The following ENPP6 variants were observed in gnomAD, a reference collection of about 807,000 sequenced individuals.
ENPP6 encodes the protein glycerophosphocholine cholinephosphodiesterase ENPP6.
Under a neutral mutation model 42.0 loss-of-function variants are expected in ENPP6, and 32 were observed. The observed-to-expected ratio is 0.76, with a 90% CI of 0.58 to 1.02. The LOEUF is 1.02. Among genes scored for constraint, ENPP6 ranks in the 50% least tolerant of loss-of-function variants. ENPP6 has a pLI of 0.00. For missense variants in ENPP6, 552 were observed against 566.8 expected, an observed-to-expected ratio of 0.97 and a Z score of 0.27; for synonymous variants, 213 against 216.0, an observed-to-expected ratio of 0.99 and a Z score of 0.12.
At chr4:184,117,723 G>A in intron 4 of ENPP6, 36 bp downstream of exon 4, 1 of 1,607,880 alleles carries the variant, frequency 6.2e-7, no homozygotes, top group East Asian at 2.2e-5. Context: ...GGGTGACAGA[G>A]AGAAGGCCAG....
At chr4:184,215,330 A>G (rs1042187629) in intron 1 of ENPP6, among the ~76,000 whole-genome samples, 4 of 152,272 alleles carry the variant, frequency 2.6e-5, no homozygotes, top group Non-Finnish European at 4.4e-5. Flanking sequence ...TTGTTGGTTC[A>G]TAAAATGCTC....
Position 184,117,119 on chromosome 4 carries a change from G to C in ENPP6, c.676-84C>G, listed in dbSNP as rs570091981. ...AAACCTTGTCAACTACAAATGATAG[G>C]AGAAAGGCTATCTCCTCAGTTCTGT... On this transcript the variant is annotated intron_variant, in intron 4 of 7. Transcript: ENST00000296741. 3.3e-6 allele frequency: 5 copies of C among 1,506,870 alleles called. No homozygotes were observed. In the South Asian group the frequency reaches 6.0e-5, roughly 18 times the overall value. The allele number at this position is 1,506,870 out of a possible 1,614,324, so 93.3% of individuals were successfully genotyped here.
At chr4:184,116,054 A>AG (rs1015629927) in intron 5 of ENPP6, among the ~76,000 whole-genome samples, 31 of 151,738 alleles carry the variant, frequency 2.0e-4, no homozygotes, top group African/African-American at 7.5e-4. Context: ...TCTCTACTAA[A>AG]AAAAAAAAAT....
At chr4:184,157,418 T>TC (rs1482826397) in intron 1 of ENPP6, among the ~76,000 whole-genome samples, 20 of 129,680 alleles carry the variant, frequency 1.5e-4, no homozygotes, top group East Asian at 2.9e-4. Context: ...TCTTTCTTTC[T>TC]TTCTTTCTTT....
chr4:184,096,811 TG>T (rs1282164447), intron 7 of ENPP6, among the ~76,000 whole-genome samples: 2 of 152,064 alleles, frequency 1.3e-5, no homozygotes, highest in Non-Finnish European at 2.9e-5. Flanking sequence ...TGAGCCTCTC[TG>T]AGGTGGGTGC....
At position 184,176,617 on chromosome 4, in the gene ENPP6, C is replaced by T. The variant is rs140669156; in HGVS notation, c.242-22884G>A. ...GATCGAGTCCTAAACACCAACTGAA[C>T]GGGGCCACCGAGCTACGTTGGCTCC... On this transcript the variant is annotated intron_variant, in intron 1 of 7. Transcript: ENST00000296741. Among the ~76,000 whole-genome samples the T allele has an allele frequency of 5.7e-3, 868 of 152,182 alleles. 11 individuals are homozygous for T. The highest frequency in any genetic ancestry group is 0.02 in the African/African-American group (828 of 41,516).
Position 184,122,275 on chromosome 4 carries a change from G to A in ENPP6, c.533+1886C>T, listed in dbSNP as rs554240613. Among the ~76,000 whole-genome samples, 123 of 152,288 alleles carry A rather than the reference G, an allele frequency of 8.1e-4. 2 individuals are homozygous for A. The highest frequency in any genetic ancestry group is 1.3e-3 in the Admixed American group (20 of 15,298). Reference sequence around the variant, plus strand: ...ATAGACCACAATTTAAATACGTGGAGCTGGGCAGTATGGTAATGCCAGGGC... The same window carrying A: ...ATAGACCACAATTTAAATACGTGGAACTGGGCAGTATGGTAATGCCAGGGC... On this transcript the variant is annotated intron_variant, in intron 3 of 7. Transcript: ENST00000296741.
At position 184,152,674 on chromosome 4, in the gene ENPP6, G is replaced by A. The variant is rs144595970; in HGVS notation, c.421+880C>T. 9.2e-5 allele frequency among the ~76,000 whole-genome samples: 14 copies of A among 152,284 alleles called. No individual in the cohort carries two copies. The East Asian group carries it at 1.2e-3, about 13-fold the overall frequency. ...CACCAATGGAAAGACAATGGGAAGC[G>A]GGTTGTATTGTTATCACTGAATCCT... On this transcript the variant is annotated intron_variant, in intron 2 of 7. Transcript: ENST00000296741.
At chr4:184,096,706 C>A (rs1036706038) in intron 7 of ENPP6, among the ~76,000 whole-genome samples, 1 of 152,160 alleles carries the variant, frequency 6.6e-6, no homozygotes, top group African/African-American at 2.4e-5. Flanking sequence ...CAAGGCAACC[C>A]TCGTCATTCT....
chr4:184,139,201 G>A (rs533179477), intron 2 of ENPP6, among the ~76,000 whole-genome samples: 1 of 152,284 alleles, frequency 6.6e-6, no homozygotes, highest in East Asian at 1.9e-4. Flanking sequence ...TTAAAACCCA[G>A]AGTGAATAAA....
intron 1 of ENPP6, chr4:184,203,926 G>A (rs1732944793): frequency 1.3e-5 from 2 of 152,214 alleles, no homozygotes; most frequent in South Asian, 4.1e-4. Flanking sequence ...ATGGCTGTCA[G>A]GACAAAGTAA....
At chr4:184,132,159 A>G (rs967356912) in intron 2 of ENPP6, among the ~76,000 whole-genome samples, 22 of 152,334 alleles carry the variant, frequency 1.4e-4, no homozygotes, top group Admixed American at 8.5e-4. Context: ...GCAAACGTCA[A>G]TCTCAACTGG....
At chr4:184,172,497 C>T (rs1418492226) in intron 1 of ENPP6, among the ~76,000 whole-genome samples, 2 of 152,220 alleles carry the variant, frequency 1.3e-5, no homozygotes, top group Non-Finnish European at 1.5e-5. Context: ...CCCTCCCATG[C>T]GGTCTGAAGG....
intron 1 of ENPP6, among the ~76,000 whole-genome samples, chr4:184,190,724 TC>T (rs369857857): frequency 1.4e-4 from 22 of 152,146 alleles, no homozygotes; most frequent in African/African-American, 4.8e-4. Context: ...CACCATGCCC[TC>T]CCAGGTCCCC....
At chr4:184,199,280 C>T (rs1712687837) in intron 1 of ENPP6, among the ~76,000 whole-genome samples, 3 of 152,102 alleles carry the variant, frequency 2.0e-5, no homozygotes, top group Admixed American at 1.3e-4. Context: ...TGAGATATCT[C>T]ACGGGCTGGG....
At chr4:184,103,727 T>A (rs530471090) in intron 6 of ENPP6, among the ~76,000 whole-genome samples, 5 of 152,360 alleles carry the variant, frequency 3.3e-5, no homozygotes, top group Admixed American at 2.0e-4. Context: ...TTGGAGCCCG[T>A]GGGAGTGGTG....
chr4:184,118,688 T>C lies in ENPP6; in HGVS notation c.534-788A>G, dbSNP rs188315460. On this transcript the variant is annotated intron_variant, in intron 3 of 7. Transcript: ENST00000296741. The stretch of plus-strand genomic sequence containing the variant: ...ACCTCTTGCCTGTCTGGAGTTTAGC[T>C]GACACATGCTTGCTTGCCAGCTGTT... Among the ~76,000 whole-genome samples the C allele has an allele frequency of 3.3e-5, 5 of 152,368 alleles. No individual in the cohort carries two copies. The East Asian group carries it at 9.6e-4, about 29-fold the overall frequency.
At chr4:184,157,706 C>A (rs754608865) in intron 1 of ENPP6, among the ~76,000 whole-genome samples, 1 of 151,310 alleles carries the variant, frequency 6.6e-6, no homozygotes, top group Non-Finnish European at 1.5e-5. Context: ...TTGACCTCCC[C>A]AGGTTCAGCC....
At chr4:184,157,204 C>G (rs887329424) in intron 1 of ENPP6, among the ~76,000 whole-genome samples, 1 of 152,176 alleles carries the variant, frequency 6.6e-6, no homozygotes, top group Admixed American at 6.5e-5. Context: ...CTTGATGTTT[C>G]TTCTTAGTAG....
Sources: allele counts gnomAD v4.1 joint callset (sites outside exome capture counted in the v4.1 genomes callset), GRCh38; gene constraint gnomAD v4.1.1; transcripts MANE v1.5; gene names NCBI Gene and HGNC (gene_info 2026-07-23, HGNC 2026-07-21).